The following KMT2E variants were observed in gnomAD, a reference collection of about 807,000 sequenced individuals.
KMT2E encodes the protein histone reader KMT2E.
A neutral mutation model predicts 184.6 loss-of-function variants in KMT2E; 30 were observed. The observed-to-expected ratio is 0.16, with a 90% CI of 0.12 to 0.22. The LOEUF (loss-of-function observed/expected upper bound fraction) is 0.22. Among genes scored for constraint, KMT2E ranks in the 10% least tolerant of loss-of-function variants. The pLI, the probability that KMT2E is intolerant of heterozygous loss-of-function variation, is 1.00. For missense variants in KMT2E, 2,023 were observed against 2,237.4 expected, an observed-to-expected ratio of 0.90 and a Z score of 1.93; for synonymous variants, 815 against 776.5, an observed-to-expected ratio of 1.05 and a Z score of -0.82.
chr7:105,031,921 C>G (rs1007040128), intron 1 of KMT2E, among the ~76,000 whole-genome samples: 1 of 148,902 alleles, frequency 6.7e-6, no homozygotes, highest in Non-Finnish European at 1.5e-5. Context: ...AATACAAAAA[C>G]TATCTGGGCA....
chr7:105,027,755 A>G (rs954345786), intron 1 of KMT2E, among the ~76,000 whole-genome samples: 1 of 152,192 alleles, frequency 6.6e-6, no homozygotes, highest in Admixed American at 6.5e-5. Flanking sequence ...ATTAAAAGAC[A>G]GGAAAATGCT....
At position 105,081,730 on chromosome 7, in the gene KMT2E, T is replaced by C; in HGVS notation, c.1291T>C (p.Tyr431His). 6.5e-7 allele frequency: 1 copy of C among 1,539,208 alleles called. No individual in the cohort carries two copies. Among genetic ancestry groups the C allele is most frequent in the South Asian group, 1.2e-5 (1 of 84,246 alleles). The change falls in exon 13 of 27, where the codon TAT becomes CAT. Residue 431 changes from tyrosine (Y) to histidine (H), a missense_variant. Physicochemically the swap from Tyr to His is moderately conservative, Grantham distance 83 (BLOSUM62 2). Transcript: ENST00000311117. ...IQDGTIHLYI[Y>H]SIHSIPKGTE... ...AGATGGAACCATACATCTTTATATT[T>C]ATTCTATACACAGTATTCCAAAGGG...
intron 15 of KMT2E, among the ~76,000 whole-genome samples, chr7:105,100,808 GAGA>G (rs1237338443): frequency 2.6e-5 from 4 of 152,138 alleles, no homozygotes; most frequent in Admixed American, 2.6e-4. Context: ...TAACAACTCA[GAGA>G]AGTTCATCAT....
At position 105,040,811 on chromosome 7, in the gene KMT2E, C is replaced by G. The variant is rs564365828; in HGVS notation, c.-114-28C>G. The G allele has an allele frequency of 5.5e-5, 27 of 492,782 alleles. No individual in the cohort carries two copies. The East Asian group carries it at 7.7e-4, about 14-fold the overall frequency. The allele number at this position is 492,782 out of a possible 1,614,324, so 30.5% of individuals were successfully genotyped here. On this transcript the variant is annotated intron_variant, in intron 2 of 26. Coordinates refer to ENST00000311117, the MANE Select transcript of KMT2E (RefSeq NM_182931.3). Reference sequence around the variant, plus strand: ...ACTTACTGTTATAGTGTGACTGTTGCTTTTTTGTCTCCTTTTCTTTTAAAC... The same window carrying G: ...ACTTACTGTTATAGTGTGACTGTTGGTTTTTTGTCTCCTTTTCTTTTAAAC...
At chr7:105,031,584 T>A (rs1795420537) in intron 1 of KMT2E, among the ~76,000 whole-genome samples, 1 of 150,600 alleles carries the variant, frequency 6.6e-6, no homozygotes, top group Admixed American at 6.6e-5. Context: ...AAACGCCATC[T>A]CTACTAAAAA....
chr7:105,047,886 G>C (rs1796173861), intron 3 of KMT2E, among the ~76,000 whole-genome samples: 1 of 152,110 alleles, frequency 6.6e-6, no homozygotes, highest in Non-Finnish European at 1.5e-5. Context: ...GGAAGTGAAG[G>C]GCTTAGAACA....
chr7:105,109,843 CTTTTT>C (rs34727137), intron 23 of KMT2E, among the ~76,000 whole-genome samples: 1 of 136,304 alleles, frequency 7.3e-6, no homozygotes, highest in African/African-American at 2.8e-5. Flanking sequence ...ATAAGATTAA[CTTTTT>C]TTTTTTTTTT....
intron 3 of KMT2E, among the ~76,000 whole-genome samples, chr7:105,047,827 A>G (rs1796171268): frequency 6.6e-6 from 1 of 152,214 alleles, no homozygotes; most frequent in Non-Finnish European, 1.5e-5. Context: ...TACTTCTGCA[A>G]AAACAAAATA....
At chr7:105,047,801 A>G (rs1055774139) in intron 3 of KMT2E, among the ~76,000 whole-genome samples, 2 of 152,202 alleles carry the variant, frequency 1.3e-5, no homozygotes, top group African/African-American at 4.8e-5. Flanking sequence ...ATTTATGACT[A>G]CCTGTGCTTT....
intron 6 of KMT2E, among the ~76,000 whole-genome samples, chr7:105,067,079 A>AG (rs1283823926): frequency 1.5e-4 from 23 of 149,940 alleles, no homozygotes; most frequent in East Asian, 1.2e-3. Context: ...AAAAAAAAAA[A>AG]AAAAAGAAAA....
At chr7:105,015,422 C>A (rs1017822483) in intron 1 of KMT2E, among the ~76,000 whole-genome samples, 2 of 152,128 alleles carry the variant, frequency 1.3e-5, no homozygotes, top group Non-Finnish European at 2.9e-5. Flanking sequence ...AATTTAAAGT[C>A]AAAGAGGAAT....
At position 105,112,010 on chromosome 7, in the gene KMT2E, GAC is replaced by G; in HGVS notation, c.4259_4260del (p.His1420ArgfsTer3). The G allele has an allele frequency of 6.2e-7, 1 of 1,614,184 alleles. No homozygotes were observed. Among genetic ancestry groups the G allele is most frequent in the Non-Finnish European group, 8.5e-7 (1 of 1,180,038 alleles). ...CACTTTCAAAGAATCATCCTCCTCA[GAC>G]ACACGTTCGTAATTCATCTGAGCAA... ...QALSKNHPPQ[T>X]HVRNSSEQLS... On this transcript the variant is annotated frameshift_variant, in exon 27 of 27. Coordinates refer to ENST00000311117, the MANE Select transcript of KMT2E (RefSeq NM_182931.3). LOFTEE classifies it high-confidence loss of function.
intron 15 of KMT2E, among the ~76,000 whole-genome samples, chr7:105,098,717 G>T (rs1294609583): frequency 6.6e-6 from 1 of 151,978 alleles, no homozygotes; most frequent in Non-Finnish European, 1.5e-5. Context: ...ATTTTTTTGT[G>T]GAGATGGGAG....
intron 23 of KMT2E, among the ~76,000 whole-genome samples, chr7:105,109,745 C>A (rs1284512270): frequency 6.6e-6 from 1 of 152,192 alleles, no homozygotes; most frequent in South Asian, 2.1e-4. Context: ...AACTCCTTGC[C>A]TTCTTTTCAC....
intron 15 of KMT2E, among the ~76,000 whole-genome samples, chr7:105,095,524 G>A (rs916598444): frequency 6.6e-6 from 1 of 152,184 alleles, no homozygotes; most frequent in Non-Finnish European, 1.5e-5. Flanking sequence ...GAATATTTAT[G>A]TGGCCAAGAT....
intron 3 of KMT2E, among the ~76,000 whole-genome samples, chr7:105,043,322 C>T (rs1409430506): frequency 1.3e-5 from 2 of 149,978 alleles, no homozygotes; most frequent in Admixed American, 6.6e-5. Flanking sequence ...CTGCAAGCTC[C>T]GCCTCCCGGG....
chr7:105,053,077 C>T (rs1796412902), intron 3 of KMT2E, among the ~76,000 whole-genome samples: 1 of 151,926 alleles, frequency 6.6e-6, no homozygotes, highest in South Asian at 2.1e-4. Flanking sequence ...ATGAAAAGTC[C>T]CTCATATATA....
At chr7:105,022,013 A>G (rs1484448103) in intron 1 of KMT2E, among the ~76,000 whole-genome samples, 2 of 152,148 alleles carry the variant, frequency 1.3e-5, no homozygotes, top group South Asian at 2.1e-4. Flanking sequence ...TTCTCTTTAT[A>G]TATACACCTG....
chr7:105,052,112 A>G (rs1351806495), intron 3 of KMT2E, among the ~76,000 whole-genome samples: 2 of 152,196 alleles, frequency 1.3e-5, no homozygotes, highest in Non-Finnish European at 2.9e-5. Flanking sequence ...TGTTTTACTT[A>G]AAATATTAAC....
Sources: allele counts gnomAD v4.1 joint callset (sites outside exome capture counted in the v4.1 genomes callset), GRCh38; gene constraint gnomAD v4.1.1; transcripts MANE v1.5; gene names NCBI Gene and HGNC (gene_info 2026-07-23, HGNC 2026-07-21).